The following CLASP1 variants were observed in gnomAD, a reference collection of about 807,000 sequenced individuals.
CLASP1 encodes the protein CLIP-associating protein 1.
Under a neutral mutation model 192.3 loss-of-function variants are expected in CLASP1, and 38 were observed. The observed-to-expected ratio is 0.20, with a 90% CI of 0.15 to 0.26. The LOEUF (loss-of-function observed/expected upper bound fraction) is 0.26, where lower values mean the gene tolerates loss of function less well. Among genes scored for constraint, CLASP1 ranks in the 10% least tolerant of loss-of-function variants. The pLI, the probability that CLASP1 is intolerant of heterozygous loss-of-function variation, is 1.00. For missense variants in CLASP1, 1,433 were observed against 1,932.5 expected (o/e 0.74, Z 4.85); for synonymous variants, 691 against 712.8 (o/e 0.97, Z 0.49).
chr2:121,402,948 T>C (rs1428330910), intron 26 of CLASP1, among the ~76,000 whole-genome samples: 1 of 152,082 alleles, frequency 6.6e-6, no homozygotes, highest in Non-Finnish European at 1.5e-5. Context: ...GTTCAAGTGA[T>C]TGCCTCCCAA....
intron 8 of CLASP1, among the ~76,000 whole-genome samples, chr2:121,473,968 G>GATA (rs2091210007): frequency 6.6e-6 from 1 of 152,190 alleles, no homozygotes; most frequent in Admixed American, 6.5e-5. Context: ...AAGGAAAAAT[G>GATA]ATACCAGTTG....
At chr2:121,343,084 C>T (rs557261536) in intron 39 of CLASP1, among the ~76,000 whole-genome samples, 2 of 152,172 alleles carry the variant, frequency 1.3e-5, no homozygotes, top group African/African-American at 4.8e-5. Flanking sequence ...ATGCCAAGAC[C>T]GTTTAATAGG....
chr2:121,375,353 AG>A (rs1282773665), intron 34 of CLASP1, among the ~76,000 whole-genome samples: 1 of 142,220 alleles, frequency 7.0e-6, no homozygotes, highest in Non-Finnish European at 1.5e-5. Flanking sequence ...TAAATTACCT[AG>A]TTTCTGATTT....
At chr2:121,553,727 A>C (rs2058257621) in intron 2 of CLASP1, among the ~76,000 whole-genome samples, 1 of 152,204 alleles carries the variant, frequency 6.6e-6, no homozygotes, top group Admixed American at 6.5e-5. Context: ...TAAGTAAAAA[A>C]TAAAAATGTA....
chr2:121,507,797 AG>A (rs1320404827), intron 7 of CLASP1, among the ~76,000 whole-genome samples: 1 of 152,340 alleles, frequency 6.6e-6, no homozygotes, highest in East Asian at 1.9e-4. Flanking sequence ...ATTGTGCACA[AG>A]GGATCCTCAA....
chr2:121,634,149 G>A lies in CLASP1; in HGVS notation c.-286+15223C>T, dbSNP rs150007998. The stretch of plus-strand genomic sequence containing the variant: ...CCCATCCCTCTTCAGTTTTCCCATA[G>A]TAGCACGCTTAATACACAGAATAAT... On this transcript the variant is annotated intron_variant, in intron 1 of 39. Transcript: ENST00000263710. Among the ~76,000 whole-genome samples, 110 of 152,216 alleles carry A rather than the reference G, an allele frequency of 7.2e-4. 1 individual carries two copies. Among genetic ancestry groups the A allele is most frequent in the African/African-American group, 2.4e-3 (101 of 41,538 alleles).
chr2:121,606,073 T>C (rs2064377765), exon 2 of CLASP1: 2 of 594,004 alleles, frequency 3.4e-6, no homozygotes, highest in Non-Finnish European at 6.0e-6. Context: ...GAGCAGCTGG[T>C]AGGATATTAA....
At chr2:121,510,140 T>C (rs1161686051) in intron 7 of CLASP1, among the ~76,000 whole-genome samples, 1 of 152,122 alleles carries the variant, frequency 6.6e-6, no homozygotes, top group African/African-American at 2.4e-5. Context: ...CTCAAATCAA[T>C]AACCTTCCAT....
At chr2:121,496,542 A>G (rs1043653085) in intron 8 of CLASP1, among the ~76,000 whole-genome samples, 3 of 152,026 alleles carry the variant, frequency 2.0e-5, no homozygotes, top group Non-Finnish European at 4.4e-5. Flanking sequence ...AAGTGTTCGT[A>G]CATGCACTCA....
intron 2 of CLASP1, among the ~76,000 whole-genome samples, chr2:121,571,839 G>T (rs2060002284): frequency 6.6e-6 from 1 of 152,178 alleles, no homozygotes; most frequent in Non-Finnish European, 1.5e-5. Context: ...ATATTAGAGG[G>T]TGTTGAGTAT....
At chr2:121,453,198 G>A (rs982678865) in intron 14 of CLASP1, among the ~76,000 whole-genome samples, 6 of 152,218 alleles carry the variant, frequency 3.9e-5, no homozygotes, top group Non-Finnish European at 8.8e-5. Context: ...AGGAAGCTGA[G>A]GTGGGTGGAT....
intron 15 of CLASP1, 39 bp from the exon 16 acceptor site, chr2:121,451,029 G>T: frequency 7.4e-7 from 1 of 1,347,570 alleles, no homozygotes; most frequent in Non-Finnish European, 1.1e-6. Context: ...AATCATAAAT[G>T]TATGGTTTGA....
chr2:121,382,504 C>T (rs569519628), intron 32 of CLASP1, among the ~76,000 whole-genome samples, 180 bp from the exon 34 acceptor site: 1 of 151,836 alleles, frequency 6.6e-6, no homozygotes, highest in African/African-American at 2.4e-5. Flanking sequence ...TTTTGTTTTA[C>T]AATTTGGTCC....
At chr2:121,586,978 C>CA (rs1400031896) in intron 2 of CLASP1, among the ~76,000 whole-genome samples, 1 of 152,206 alleles carries the variant, frequency 6.6e-6, no homozygotes, top group Non-Finnish European at 1.5e-5. Context: ...CACAGTGGCT[C>CA]ACACCTGTAA....
Position 121,472,951 on chromosome 2 carries a change from C to CT in CLASP1, c.713-2992dup, listed in dbSNP as rs568916848. 2.1e-3 allele frequency among the ~76,000 whole-genome samples: 314 copies of CT among 152,320 alleles called. 1 individual carries two copies. Among genetic ancestry groups the CT allele is most frequent in the African/African-American group, 7.1e-3 (295 of 41,574 alleles). On this transcript the variant is annotated intron_variant, in intron 8 of 39. Coordinates refer to ENST00000263710, the Ensembl canonical transcript of CLASP1. ...AGGGCATTAGGCAGACCGCAAGTAACTTATCTGATTTGCCAAAACAAAGCA... is the reference window on the plus strand; with the variant it reads ...AGGGCATTAGGCAGACCGCAAGTAACTTTATCTGATTTGCCAAAACAAAGCA...
intron 8 of CLASP1, among the ~76,000 whole-genome samples, chr2:121,500,916 C>T (rs2093731284): frequency 6.6e-6 from 1 of 152,136 alleles, no homozygotes; most frequent in Admixed American, 6.5e-5. Context: ...TATGTGTGTG[C>T]ACGTGCACAC....
At chr2:121,498,201 C>CTTTT (rs70954551) in intron 8 of CLASP1, among the ~76,000 whole-genome samples, 2 of 119,090 alleles carry the variant, frequency 1.7e-5, no homozygotes, top group Admixed American at 8.5e-5. Context: ...GTAATAGTTT[C>CTTTT]TTTTTTTTTT....
intron 8 of CLASP1, among the ~76,000 whole-genome samples, chr2:121,475,524 G>C (rs905413934): frequency 1.3e-5 from 2 of 152,138 alleles, no homozygotes; most frequent in Non-Finnish European, 2.9e-5. Context: ...TCACATCCAG[G>C]TTCTAACGTT....
chr2:121,413,103 A>T (rs1031812424), intron 23 of CLASP1, among the ~76,000 whole-genome samples: 4 of 152,106 alleles, frequency 2.6e-5, no homozygotes, highest in Non-Finnish European at 5.9e-5. Context: ...TACAAAAAAC[A>T]ACAAAAACTA....
Sources: gnomAD v4.1 joint callset for allele counts (sites outside exome capture counted in the v4.1 genomes callset) on GRCh38, gnomAD v4.1.1 for gene constraint, MANE v1.5 for transcripts, NCBI Gene and HGNC (gene_info 2026-07-23, HGNC 2026-07-21) for gene names.